Variants in MYO6 observed in about 807,000 individuals in gnomAD.
MYO6 encodes the protein myosin VI.
MYO6 carries 74 observed loss-of-function variants against 178.7 expected under a neutral mutation model. The ratio of observed to expected loss-of-function variants is 0.41; its 90% CI spans 0.34 to 0.50. The LOEUF is 0.50. MYO6 is among the 20% of genes least tolerant of loss of function. The pLI is 0.09. For missense variants in MYO6, 1,330 were observed against 1,547.4 expected (o/e 0.86, Z 2.36); for synonymous variants, 477 against 504.6 (o/e 0.95, Z 0.73).
chr6:75,866,327 C>A, intron 16 of MYO6, among the ~76,000 whole-genome samples, 199 bp from the exon 17 acceptor site: 1 of 131,942 alleles, frequency 7.6e-6, no homozygotes, highest in African/African-American at 2.8e-5. Context: ...TATTTTCTTT[C>A]CTAAGAGATT....
At chr6:75,832,994 T>C (rs765367425) in intron 6 of MYO6, 47 bp downstream of exon 6, 6 of 1,348,026 alleles carry the variant, frequency 4.5e-6, no homozygotes, top group Middle Eastern at 1.8e-4. Context: ...TGATCTTTTT[T>C]TTCCCCCCTT....
intron 1 of MYO6, among the ~76,000 whole-genome samples, chr6:75,793,822 T>TA (rs1297975765): frequency 1.3e-5 from 2 of 152,080 alleles, no homozygotes; most frequent in East Asian, 1.9e-4. Flanking sequence ...GTATAGGAAT[T>TA]AAAAAAAATT....
intron 1 of MYO6, among the ~76,000 whole-genome samples, chr6:75,755,884 A>G (rs1370171091): frequency 6.6e-6 from 1 of 152,220 alleles, no homozygotes; most frequent in Non-Finnish European, 1.5e-5. Context: ...CTAGGATGTA[A>G]TCAACAGGGC....
intron 22 of MYO6, 35 bp from the exon 23 acceptor site, chr6:75,881,654 T>C: frequency 6.3e-7 from 1 of 1,598,742 alleles, no homozygotes; most frequent in Non-Finnish European, 8.6e-7. Context: ...TGCATTTATA[T>C]TTTAATACTG....
chr6:75,861,136 A>G (rs746312993), intron 15 of MYO6, 41 bp downstream of exon 15: 1 of 1,404,022 alleles, frequency 7.1e-7, no homozygotes. Context: ...ATATAGGAAG[A>G]TGTAGTGAAT....
intron 29 of MYO6, among the ~76,000 whole-genome samples, chr6:75,895,637 C>A (rs978864415): frequency 4.0e-5 from 6 of 151,846 alleles, no homozygotes; most frequent in Admixed American, 2.0e-4. Flanking sequence ...CCTGCCTCAG[C>A]CTCCCAAGTA....
intron 9 of MYO6, 139 bp downstream of exon 9, chr6:75,841,517 T>C: frequency 2.7e-6 from 2 of 737,958 alleles, no homozygotes; most frequent in South Asian, 1.8e-5. Context: ...AGCGAGACCC[T>C]GTCTCTAAAA....
At chr6:75,866,387 C>T (rs1776695470) in intron 16 of MYO6, 139 bp from the exon 17 acceptor site, 2 of 625,314 alleles carry the variant, frequency 3.2e-6, no homozygotes, top group African/African-American at 1.9e-5. Flanking sequence ...ATACTCAATA[C>T]ATAAAAGCAG....
chr6:75,907,649 A>T lies in MYO6; in HGVS notation c.3221A>T (p.Lys1074Ile). The T allele has an allele frequency of 6.2e-7, 1 of 1,613,840 alleles. No individual in the cohort carries two copies. The highest frequency in any genetic ancestry group is 8.5e-7 in the Non-Finnish European group (1 of 1,179,916). The change falls in exon 31 of 35, where the codon AAA (lysine) becomes ATA (isoleucine). Residue 1074 changes from lysine to isoleucine, a missense_variant. Lys to Ile is a moderately radical substitution (Grantham distance 102). Around this residue, in one of 3 missense-constraint regions of MYO6, gnomAD observed 601 missense variants for 626.1 expected, o/e 0.96. Coordinates refer to ENST00000369977, the MANE Select transcript of MYO6 (RefSeq NM_004999.4). ...ACCAAAGCAGCTGCTGGTACTAAGA[A>T]ATATGATCTTAGTAAATGGAAATAT... Reference protein sequence around the residue: ...LATKAAAGTKKYDLSKWKYAE... With the variant: ...LATKAAAGTKIYDLSKWKYAE...
At chr6:75,841,707 T>A (rs983310527) in intron 9 of MYO6, among the ~76,000 whole-genome samples, 6 of 151,796 alleles carry the variant, frequency 4.0e-5, no homozygotes, top group Admixed American at 1.3e-4. Flanking sequence ...GAAAAAAAAA[T>A]TTTGTATAAT....
At chr6:75,757,926 CAAG>C (rs1325295459) in intron 1 of MYO6, among the ~76,000 whole-genome samples, 2 of 144,306 alleles carry the variant, frequency 1.4e-5, no homozygotes, top group African/African-American at 5.1e-5. Flanking sequence ...CATCGAAAAG[CAAG>C]AAGAGCAATA....
At position 75,894,171 on chromosome 6, in the gene MYO6, G is replaced by A. The variant is rs114993183; in HGVS notation, c.3108-1060G>A. ...CTTGAAATGTTAAGCTGTATCCAGT[G>A]CCATTCCATATACTGTATACAAGAT... On this transcript the variant is annotated intron_variant, in intron 28 of 34. Coordinates refer to ENST00000369977, the MANE Select transcript of MYO6 (RefSeq NM_004999.4). Among the ~76,000 whole-genome samples, 457 of 152,242 alleles carry A rather than the reference G, an allele frequency of 3.0e-3. 1 individual carries two copies. The highest frequency in any genetic ancestry group is 0.01 in the African/African-American group (428 of 41,548).
intron 20 of MYO6, among the ~76,000 whole-genome samples, chr6:75,878,371 A>G (rs914108975): frequency 1.3e-5 from 2 of 152,176 alleles, no homozygotes; most frequent in African/African-American, 4.8e-5. Context: ...GTCCACATGC[A>G]TATCTTTGCC....
At chr6:75,903,867 G>A (rs1214910792) in intron 30 of MYO6, among the ~76,000 whole-genome samples, 6 of 151,430 alleles carry the variant, frequency 4.0e-5, no homozygotes, top group African/African-American at 7.3e-5. Context: ...GGCTGGTACC[G>A]GTTGTTCCTT....
At chr6:75,752,155 G>T (rs1282039385) in intron 1 of MYO6, among the ~76,000 whole-genome samples, 1 of 151,948 alleles carries the variant, frequency 6.6e-6, no homozygotes, top group Non-Finnish European at 1.5e-5. Context: ...ACCACACCTG[G>T]CCAATTTTTT....
chr6:75,783,183 C>T (rs1039259294), intron 1 of MYO6, among the ~76,000 whole-genome samples: 3 of 152,120 alleles, frequency 2.0e-5, no homozygotes, highest in African/African-American at 7.2e-5. Context: ...TCCCAAAATT[C>T]TGGGATTACA....
chr6:75,853,591 T>G (rs1203434999), intron 11 of MYO6, among the ~76,000 whole-genome samples: 1 of 152,198 alleles, frequency 6.6e-6, no homozygotes, highest in Non-Finnish European at 1.5e-5. Flanking sequence ...AAGAAGCTGT[T>G]CTTTCCTCAG....
At chr6:75,848,304 C>A in intron 10 of MYO6, 47 bp from the exon 11 acceptor site, 1 of 1,553,590 alleles carries the variant, frequency 6.4e-7, no homozygotes, top group Non-Finnish European at 8.9e-7. Context: ...TTTTAGTGTA[C>A]TTAAATAATG....
At chr6:75,773,934 C>T (rs1047633537) in intron 1 of MYO6, among the ~76,000 whole-genome samples, 1 of 152,128 alleles carries the variant, frequency 6.6e-6, no homozygotes, top group South Asian at 2.1e-4. Flanking sequence ...TAGAGATAAT[C>T]ACTAGTTTTT....
Sources: gnomAD v4.1 joint callset for allele counts (sites outside exome capture counted in the v4.1 genomes callset) on GRCh38, gnomAD v4.1.1 for gene constraint, gnomAD v4.1.1 regional missense constraint, MANE v1.5 for transcripts, NCBI Gene and HGNC (gene_info 2026-07-23, HGNC 2026-07-21) for gene names.